MAP2: variants seen among roughly 807,000 people sequenced by gnomAD.
MAP2 encodes microtubule-associated protein 2.
Under a neutral mutation model 137.6 loss-of-function variants are expected in MAP2, and 14 were observed. The observed-to-expected ratio is 0.10, with a 90% CI of 0.07 to 0.16. The LOEUF (loss-of-function observed/expected upper bound fraction) is 0.16, where lower values mean the gene tolerates loss of function less well. MAP2 is among the 10% of genes least tolerant of loss of function. MAP2 has a pLI of 1.00. For synonymous variants in MAP2, 786 were observed against 782.3 expected (o/e 1.00, Z -0.08); for missense variants, 2,088 against 2,191.5 (o/e 0.95, Z 0.94).
chr2:209,606,420 G>A lies in MAP2; in HGVS notation c.-106-18633G>A, dbSNP rs1211412048. ...CTTGCACCTGTAATCCCACCACTTT[G>A]GGTAGCTGAGGTGGGAAGATAGCTT... On this transcript the variant is annotated intron_variant, in intron 3 of 15. Transcript: ENST00000682079. 2.0e-5 allele frequency among the ~76,000 whole-genome samples: 3 copies of A among 152,222 alleles called. No homozygotes were observed. The East Asian group carries it at 5.8e-4, about 29-fold the overall frequency.
chr2:209,638,525 T>A (rs553965662), intron 4 of MAP2, among the ~76,000 whole-genome samples: 1 of 152,264 alleles, frequency 6.6e-6, no homozygotes, highest in Non-Finnish European at 1.5e-5. Context: ...GACTCATACG[T>A]TACTTATATA....
rs140828216 is a variant in MAP2, at chr2:209,436,675, C to G, written c.-222+12399C>G. Among the ~76,000 whole-genome samples the G allele has an allele frequency of 9.9e-5, 15 of 151,786 alleles. No homozygotes were observed. In the East Asian group the frequency reaches 2.7e-3, roughly 27 times the overall value. On this transcript the variant is annotated intron_variant, in intron 1 of 15. Transcript: ENST00000682079. ...CCATGGATGGAATCTTTAGATTTCT[C>G]TCAAGTCAGAGCATGTTAGATACTG... is the stretch of plus-strand genomic sequence containing the variant.
intron 1 of MAP2, among the ~76,000 whole-genome samples, chr2:209,493,360 A>G (rs1200588135): frequency 1.3e-5 from 2 of 152,260 alleles, no homozygotes; most frequent in Non-Finnish European, 2.9e-5. Flanking sequence ...CATTCAGGAC[A>G]TAGGCATGGG....
At chr2:209,521,049 G>A (rs2063203828) in intron 2 of MAP2, among the ~76,000 whole-genome samples, 2 of 152,024 alleles carry the variant, frequency 1.3e-5, no homozygotes, top group African/African-American at 4.8e-5. Flanking sequence ...TGCCCCCAAA[G>A]TATGGTTTAG....
chr2:209,729,118 T>C (rs1227557263), intron 14 of MAP2, among the ~76,000 whole-genome samples: 5 of 152,220 alleles, frequency 3.3e-5, no homozygotes, highest in Non-Finnish European at 7.3e-5. Context: ...CATGGCACTG[T>C]TATAATCAGC....
At chr2:209,550,031 T>G (rs1244816069) in intron 2 of MAP2, among the ~76,000 whole-genome samples, 2 of 152,236 alleles carry the variant, frequency 1.3e-5, no homozygotes, top group African/African-American at 4.8e-5. Context: ...TATTTCAGAA[T>G]TTTTAAAGGC....
intron 2 of MAP2, among the ~76,000 whole-genome samples, chr2:209,558,381 G>A (rs892145100): frequency 6.6e-6 from 1 of 151,930 alleles, no homozygotes; most frequent in African/African-American, 2.4e-5. Flanking sequence ...TAGAGACAGG[G>A]TTTCGCCATG....
chr2:209,461,352 G>A (rs1559191196), intron 1 of MAP2, among the ~76,000 whole-genome samples: 1 of 152,192 alleles, frequency 6.6e-6, no homozygotes, highest in Non-Finnish European at 1.5e-5. Flanking sequence ...TGGCAACCAT[G>A]CCAGACAGTA....
intron 2 of MAP2, among the ~76,000 whole-genome samples, chr2:209,525,020 G>T (rs1209293018): frequency 1.3e-5 from 2 of 151,628 alleles, no homozygotes; most frequent in Non-Finnish European, 2.9e-5. Context: ...TTGAGACCTG[G>T]GTTTTCTTGT....
At chr2:209,726,304 A>G (rs2073971636) in intron 14 of MAP2, among the ~76,000 whole-genome samples, 1 of 152,238 alleles carries the variant, frequency 6.6e-6, no homozygotes, top group African/African-American at 2.4e-5. Flanking sequence ...AACTTATTTG[A>G]CCATGAACCC....
intron 2 of MAP2, among the ~76,000 whole-genome samples, chr2:209,520,387 G>A (rs1576968647): frequency 6.6e-6 from 1 of 152,092 alleles, no homozygotes; most frequent in Non-Finnish European, 1.5e-5. Context: ...AGTAGGAACA[G>A]CATAAAATGC....
At chr2:209,546,184 G>C (rs1032542516) in intron 2 of MAP2, among the ~76,000 whole-genome samples, 2 of 151,972 alleles carry the variant, frequency 1.3e-5, no homozygotes, top group African/African-American at 4.8e-5. Flanking sequence ...AGAAATGCAC[G>C]CAACTTTTTG....
At chr2:209,680,670 A>G in intron 6 of MAP2, 80 bp from the exon 7 acceptor site, 1 of 1,252,354 alleles carries the variant, frequency 8.0e-7, no homozygotes, top group Non-Finnish European at 1.2e-6. Flanking sequence ...GTCTTTTTAC[A>G]AATGGCAGAA....
At chr2:209,515,535 A>G (rs1437464422) in intron 2 of MAP2, among the ~76,000 whole-genome samples, 4 of 152,072 alleles carry the variant, frequency 2.6e-5, no homozygotes, top group African/African-American at 9.7e-5. Flanking sequence ...GAAGTGCCTC[A>G]CTTTAAAACC....
In MAP2 at chr2:209,467,796, C is replaced by T. The variant is rs149364621; in HGVS notation, c.-221-39796C>T. Reference sequence around the variant, plus strand: ...CTCCACCACTTATTAGCCATAAGACCATGTGCAATTTCTTAACATCCGTTT... The same window carrying T: ...CTCCACCACTTATTAGCCATAAGACTATGTGCAATTTCTTAACATCCGTTT... On this transcript the variant is annotated intron_variant, in intron 1 of 15. Transcript: ENST00000682079. Among the ~76,000 whole-genome samples, 438 of 152,224 alleles carry T rather than the reference C, an allele frequency of 2.9e-3. 2 individuals carry two copies. In the Middle Eastern group the frequency reaches 0.034, roughly 12 times the overall value.
intron 3 of MAP2, among the ~76,000 whole-genome samples, chr2:209,603,003 G>A (rs2083441269): frequency 6.6e-6 from 1 of 152,176 alleles, no homozygotes. Flanking sequence ...TTGAAGTGAA[G>A]CCATTTAGAA....
At chr2:209,661,631 A>C in intron 5 of MAP2, 1 of 985,508 alleles carries the variant, frequency 1.0e-6, no homozygotes, top group African/African-American at 1.7e-5. Context: ...ATCCGGGGCT[A>C]GAAAGAGTGA....
chr2:209,501,686 T>G (rs2060396244), intron 1 of MAP2, among the ~76,000 whole-genome samples: 1 of 152,162 alleles, frequency 6.6e-6, no homozygotes, highest in African/African-American at 2.4e-5. Context: ...TCTTGACCTG[T>G]GTGTTTGAAA....
intron 1 of MAP2, among the ~76,000 whole-genome samples, chr2:209,458,329 T>C (rs536383092): frequency 6.6e-6 from 1 of 152,298 alleles, no homozygotes; most frequent in African/African-American, 2.4e-5. Context: ...TGTATAGTTA[T>C]ACCACTATTA....
Sources: allele counts gnomAD v4.1 joint callset (sites outside exome capture counted in the v4.1 genomes callset), GRCh38; gene constraint gnomAD v4.1.1; transcripts MANE v1.5; gene names NCBI Gene and HGNC (gene_info 2026-07-23, HGNC 2026-07-21).